Variants in NT5DC1 observed in about 807,000 individuals in gnomAD.
NT5DC1 encodes the protein 5'-nucleotidase domain-containing protein 1.
In NT5DC1, 42 loss-of-function variants were observed where a neutral mutation model predicts 59.4. The observed-to-expected ratio is 0.71, with a 90% CI of 0.55 to 0.92. The LOEUF (loss-of-function observed/expected upper bound fraction) is 0.92, where lower values mean the gene tolerates loss of function less well. Among genes scored for constraint, NT5DC1 ranks in the 40% least tolerant of loss-of-function variants. The pLI is 0.00. For synonymous variants in NT5DC1, 172 were observed against 188.1 expected (o/e 0.91, Z 0.70); for missense variants, 501 against 537.1 (o/e 0.93, Z 0.66).
chr6:116,109,396 T>C (rs774158912), intron 3 of NT5DC1, among the ~76,000 whole-genome samples: 4 of 152,236 alleles, frequency 2.6e-5, no homozygotes, highest in African/African-American at 4.8e-5. Context: ...TATGTGTAAA[T>C]GCAGCTTTGT....
At chr6:116,124,766 C>T (rs945480091) in intron 6 of NT5DC1, among the ~76,000 whole-genome samples, 2 of 152,134 alleles carry the variant, frequency 1.3e-5, no homozygotes, top group Non-Finnish European at 2.9e-5. Context: ...TACCGCTAAA[C>T]TATATTCAAA....
At chr6:116,209,065 G>A (rs924643985) in intron 6 of NT5DC1, among the ~76,000 whole-genome samples, 4 of 151,936 alleles carry the variant, frequency 2.6e-5, no homozygotes, top group African/African-American at 9.7e-5. Flanking sequence ...TTAAATTGAT[G>A]ATTTTATTAT....
intron 8 of NT5DC1, among the ~76,000 whole-genome samples, chr6:116,225,035 C>A (rs1376274389): frequency 6.6e-6 from 1 of 151,820 alleles, no homozygotes; most frequent in Non-Finnish European, 1.5e-5. Flanking sequence ...AAACAGCAGA[C>A]AAAAAGAAAG....
At chr6:116,182,292 T>C (rs1780901237) in intron 6 of NT5DC1, among the ~76,000 whole-genome samples, 1 of 151,782 alleles carries the variant, frequency 6.6e-6, no homozygotes, top group African/African-American at 2.4e-5. Context: ...CTTTGATTGA[T>C]GAACATTTGG....
At chr6:116,242,144 G>A (rs1241460655) in intron 11 of NT5DC1, among the ~76,000 whole-genome samples, 1 of 151,700 alleles carries the variant, frequency 6.6e-6, no homozygotes, top group Non-Finnish European at 1.5e-5. Flanking sequence ...GCGGAGGCGG[G>A]CGGATCACGA....
chr6:116,165,082 G>A (rs1212739491), intron 6 of NT5DC1, among the ~76,000 whole-genome samples: 2 of 129,716 alleles, frequency 1.5e-5, no homozygotes, highest in Admixed American at 1.6e-4. Flanking sequence ...AGGCGACAGA[G>A]CGAGACTCCG....
chr6:116,118,037 TCTTA>T (rs1779002805), intron 6 of NT5DC1, 92 bp downstream of exon 6: 2 of 748,728 alleles, frequency 2.7e-6, no homozygotes, highest in Non-Finnish European at 4.9e-6. Flanking sequence ...TTGCTGTGTA[TCTTA>T]CTTAGGATTT....
At chr6:116,137,198 C>A in intron 6 of NT5DC1, 2 of 173,458 alleles carry the variant, frequency 1.2e-5, no homozygotes, top group South Asian at 1.5e-4. Flanking sequence ...CTGCCACCAC[C>A]ACTTCCTGGC....
chr6:116,102,216 C>T (rs1034706542), intron 1 of NT5DC1, among the ~76,000 whole-genome samples: 1 of 144,926 alleles, frequency 6.9e-6, no homozygotes, highest in Non-Finnish European at 1.5e-5. Context: ...CCATTATGGG[C>T]ACCCGCCAGT....
chr6:116,148,220 CA>C lies in NT5DC1; in HGVS notation c.529+30276del, dbSNP rs967027046. On this transcript the variant is annotated intron_variant, in intron 6 of 11. Coordinates refer to ENST00000319550, the MANE Select transcript of NT5DC1 (RefSeq NM_152729.3). ...AGAGGCAAATTGAGTAAGTTGGGGA[CA>C]GGGGTGGGAGGGAGAATTATTTTTC... Among the ~76,000 whole-genome samples the C allele has an allele frequency of 6.4e-4, 97 of 151,982 alleles. 1 individual carries two copies. Among genetic ancestry groups the C allele is most frequent in the Admixed American group, 6.5e-5 (1 of 15,272 alleles).
intron 3 of NT5DC1, among the ~76,000 whole-genome samples, chr6:116,109,805 C>A (rs1476824968): frequency 6.6e-6 from 1 of 151,870 alleles, no homozygotes; most frequent in Non-Finnish European, 1.5e-5. Flanking sequence ...ATTTTGTTGC[C>A]ACATTATAAT....
chr6:116,120,054 A>C, intron 6 of NT5DC1: 1 of 1,482,178 alleles, frequency 6.7e-7, no homozygotes, highest in Non-Finnish European at 8.9e-7. Context: ...CACAAGATTT[A>C]GATTAGCTCT....
chr6:116,152,236 G>A (rs1780061009), intron 6 of NT5DC1, among the ~76,000 whole-genome samples: 1 of 152,072 alleles, frequency 6.6e-6, no homozygotes, highest in Admixed American at 6.6e-5. Context: ...GAAAATACAG[G>A]AGCTGTGCAT....
At chr6:116,200,727 C>T (rs1028579301) in intron 6 of NT5DC1, among the ~76,000 whole-genome samples, 4 of 151,946 alleles carry the variant, frequency 2.6e-5, no homozygotes, top group African/African-American at 7.2e-5. Flanking sequence ...CCTTATGGAT[C>T]GTACTTCATC....
At chr6:116,117,787 T>C in intron 5 of NT5DC1, 74 bp from the exon 6 acceptor site, 1 of 808,108 alleles carries the variant, frequency 1.2e-6, no homozygotes, top group Non-Finnish European at 2.1e-6. Context: ...TGCATTGTAA[T>C]TGTTTGCCAG....
chr6:116,165,083 C>T (rs911055272), intron 6 of NT5DC1, among the ~76,000 whole-genome samples: 7 of 127,436 alleles, frequency 5.5e-5, no homozygotes, highest in African/African-American at 1.6e-4. Context: ...GGCGACAGAG[C>T]GAGACTCCGT....
intron 3 of NT5DC1, among the ~76,000 whole-genome samples, chr6:116,109,713 G>A: frequency 6.6e-6 from 1 of 152,110 alleles, no homozygotes; most frequent in East Asian, 1.9e-4. Flanking sequence ...TTTCTAAAAT[G>A]TTAACCCCTT....
intron 6 of NT5DC1, among the ~76,000 whole-genome samples, chr6:116,144,674 A>G (rs1027164651): frequency 4.6e-5 from 7 of 152,184 alleles, no homozygotes; most frequent in African/African-American, 1.7e-4. Context: ...TTTGTAATCC[A>G]CACCAGACTT....
At chr6:116,185,336 G>A (rs1780972548) in intron 6 of NT5DC1, among the ~76,000 whole-genome samples, 1 of 152,084 alleles carries the variant, frequency 6.6e-6, no homozygotes, top group Non-Finnish European at 1.5e-5. Flanking sequence ...TGTCTATTCT[G>A]CAGTTGTTGG....
Sources: allele counts gnomAD v4.1 joint callset (sites outside exome capture counted in the v4.1 genomes callset), GRCh38; gene constraint gnomAD v4.1.1; transcripts MANE v1.5; gene names NCBI Gene and HGNC (gene_info 2026-07-23, HGNC 2026-07-21).